Variants in STRN3 observed in about 807,000 individuals in gnomAD.
The protein encoded by STRN3 is striatin 3, also known as striatin-3.
A neutral mutation model predicts 95.6 loss-of-function variants in STRN3; 29 were observed. The ratio of observed to expected loss-of-function variants is 0.30; its 90% CI spans 0.23 to 0.41. STRN3 has a LOEUF of 0.41. STRN3 is among the 10% of genes least tolerant of loss of function. The pLI is 1.00. For missense variants in STRN3, 890 were observed against 972.1 expected (o/e 0.92, Z 1.12); for synonymous variants, 331 against 357.6 (o/e 0.93, Z 0.84).
intron 4 of STRN3, among the ~76,000 whole-genome samples, chr14:30,948,567 T>C (rs1052628163): frequency 2.0e-5 from 3 of 152,096 alleles, no homozygotes; most frequent in Non-Finnish European, 2.9e-5. Context: ...CAAGAAGGAA[T>C]AGTTAATGTC....
intron 10 of STRN3, 63 bp from the exon 11 acceptor site, chr14:30,912,245 T>G (rs1896630400): frequency 6.6e-7 from 1 of 1,503,930 alleles, no homozygotes; most frequent in Middle Eastern, 1.8e-4. Context: ...TGTGGAGTGT[T>G]TGTTCGTTTC....
chr14:31,012,659 C>T (rs879407707), intron 1 of STRN3, among the ~76,000 whole-genome samples: 7 of 151,986 alleles, frequency 4.6e-5, no homozygotes, highest in Non-Finnish European at 7.4e-5. Flanking sequence ...TTTGGGAGAC[C>T]GAGGCGGGTG....
At chr14:30,963,120 AAC>A (rs1880293612) in intron 1 of STRN3, among the ~76,000 whole-genome samples, 2 of 152,148 alleles carry the variant, frequency 1.3e-5, no homozygotes, top group African/African-American at 4.8e-5. Flanking sequence ...TACAACTATA[AAC>A]ACACACACAC....
At chr14:30,927,930 CAAA>C (rs56216107) in intron 8 of STRN3, among the ~76,000 whole-genome samples, 15,469 of 84,480 alleles carry the variant, frequency 0.18, 835 homozygotes, top group East Asian at 0.36. Context: ...GAGACTCCGT[CAAA>C]AAAAAAAAAA....
intron 1 of STRN3, among the ~76,000 whole-genome samples, chr14:31,000,358 GCAC>G (rs1337491452): frequency 6.6e-6 from 1 of 151,932 alleles, no homozygotes; most frequent in African/African-American, 2.4e-5. Context: ...ATAACTTGTA[GCAC>G]AACAACTGCA....
intron 1 of STRN3, among the ~76,000 whole-genome samples, chr14:30,980,198 T>C (rs550009246): frequency 6.6e-6 from 1 of 151,812 alleles, no homozygotes; most frequent in East Asian, 2.0e-4. Context: ...TCAGCTGAGA[T>C]TGTACCATTG....
chr14:30,902,488 T>A (rs762312786), intron 16 of STRN3, 48 bp downstream of exon 16: 26 of 1,289,970 alleles, frequency 2.0e-5, no homozygotes, highest in Non-Finnish European at 2.8e-5. Context: ...TTTTTGATCA[T>A]CTCAAATTTA....
At chr14:30,965,367 T>C (rs1437357900) in intron 1 of STRN3, among the ~76,000 whole-genome samples, 2 of 152,264 alleles carry the variant, frequency 1.3e-5, no homozygotes, top group East Asian at 3.9e-4. Flanking sequence ...ATTTACTTTC[T>C]TCTGCCTGCC....
chr14:30,919,644 G>A (rs1460973265), intron 8 of STRN3, among the ~76,000 whole-genome samples: 2 of 152,036 alleles, frequency 1.3e-5, no homozygotes, highest in East Asian at 3.9e-4. Context: ...GTACAAATTT[G>A]TCATTAACAA....
At chr14:30,936,008 C>T (rs1256262200) in intron 6 of STRN3, among the ~76,000 whole-genome samples, 3 of 152,230 alleles carry the variant, frequency 2.0e-5, no homozygotes, top group Non-Finnish European at 4.4e-5. Context: ...GCAAGCCCCT[C>T]AAACCACTCA....
At chr14:30,945,508 G>A (rs1276754925) in intron 5 of STRN3, among the ~76,000 whole-genome samples, 1 of 152,152 alleles carries the variant, frequency 6.6e-6, no homozygotes, top group Non-Finnish European at 1.5e-5. Context: ...GGGAGGCTGA[G>A]GTGGGAGGAT....
intron 7 of STRN3, among the ~76,000 whole-genome samples, chr14:30,929,556 G>T (rs1878375229): frequency 1.3e-5 from 2 of 151,974 alleles, no homozygotes; most frequent in South Asian, 4.2e-4. Context: ...CCACAAATTT[G>T]AAGGTTATCA....
rs542432266 is a variant in STRN3, at chr14:30,895,465, T to C, written c.2340A>G (p.Ser780=). 76 of 1,614,052 alleles carry C rather than the reference T, an allele frequency of 4.7e-5. 1 individual carries two copies. The South Asian group carries it at 8.1e-4, about 17-fold the overall frequency. Residue 780 remains serine (S), a synonymous_variant, in exon 18 of 18, where the codon TCA becomes TCG. Transcript: ENST00000357479. ...CTCCTGCACTAGCTATATATGCTTT[T>C]GACGAGTGGAAAGCAACATCATAAA... The part of the protein sequence containing the change: ...ESIYDVAFHS[S]KAYIASAGAD...
intron 1 of STRN3, among the ~76,000 whole-genome samples, chr14:30,973,185 G>T (rs1461205443): frequency 6.6e-6 from 1 of 152,094 alleles, no homozygotes; most frequent in South Asian, 2.1e-4. Context: ...CTCCAGCCTG[G>T]GTGACAAAGT....
intron 9 of STRN3, among the ~76,000 whole-genome samples, chr14:30,918,432 C>G (rs1896794538): frequency 1.3e-5 from 2 of 151,870 alleles, no homozygotes; most frequent in South Asian, 2.1e-4. Flanking sequence ...TCGCTTGACC[C>G]CAGGAGGCGG....
chr14:30,897,249 A>G (rs879693029), intron 16 of STRN3, among the ~76,000 whole-genome samples: 35 of 152,320 alleles, frequency 2.3e-4, no homozygotes, highest in African/African-American at 7.0e-4. Context: ...AAACCACAAC[A>G]TAATAAAATG....
At chr14:30,911,375 C>T (rs187427566) in intron 12 of STRN3, among the ~76,000 whole-genome samples, 3 of 145,488 alleles carry the variant, frequency 2.1e-5, no homozygotes, top group Non-Finnish European at 4.4e-5. Flanking sequence ...GATCTCTGCT[C>T]AGTAAAACCT....
In STRN3 at chr14:30,894,781, T is replaced by G. The variant is rs992481695; in HGVS notation, c.*630A>C. The G allele has an allele frequency of 5.4e-5, 13 of 242,746 alleles. No homozygotes were observed. Among genetic ancestry groups the G allele is most frequent in the Non-Finnish European group, 1.5e-5 (2 of 129,796 alleles). 15.0% of individuals were successfully genotyped at this position (242,746 alleles called of 1,614,324 possible). A position where few individuals can be genotyped will look rare whatever the true frequency, so the allele number is the denominator to read the frequency against. On this transcript the variant is annotated 3_prime_UTR_variant, in exon 18 of 18. Coordinates refer to ENST00000357479, the MANE Select transcript of STRN3 (RefSeq NM_001083893.2). ...AATGCAGAAAAACTTCAATACAATCTTGAGCACTGTTGTGACAGGCTAAAT... is the reference window on the plus strand; with the variant it reads ...AATGCAGAAAAACTTCAATACAATCGTGAGCACTGTTGTGACAGGCTAAAT...
At chr14:30,929,953 G>GAAAAAAAAAAAAAAAAAAAAAA (rs1878399471) in intron 7 of STRN3, among the ~76,000 whole-genome samples, 1 of 7,888 alleles carries the variant, frequency 1.3e-4, no homozygotes, top group African/African-American at 3.2e-4. Context: ...ACTAAGATTA[G>GAAAAAAAAAAAAAAAAAAAAAA]CAAAAAAAAA....
Sources: gnomAD v4.1 joint callset for allele counts (sites outside exome capture counted in the v4.1 genomes callset) on GRCh38, gnomAD v4.1.1 for gene constraint, MANE v1.5 for transcripts, NCBI Gene and HGNC (gene_info 2026-07-23, HGNC 2026-07-21) for gene names.